GALM: variants seen among roughly 807,000 people sequenced by gnomAD.
The protein encoded by GALM is aldose 1-epimerase.
Under a neutral mutation model 37.4 loss-of-function variants are expected in GALM, and 43 were observed. The observed-to-expected ratio is 1.15, with a 90% CI of 0.90 to 1.48. GALM has a LOEUF of 1.48. Ranked by LOEUF, GALM falls within the 40% of genes most tolerant of loss-of-function variation. GALM has a pLI of 0.00. For missense variants in GALM, 456 were observed against 419.1 expected (o/e 1.09, Z -0.77); for synonymous variants, 199 against 170.6 (o/e 1.17, Z -1.30).
intron 4 of GALM, among the ~76,000 whole-genome samples, chr2:38,692,844 G>A (rs1490980476): frequency 6.6e-6 from 1 of 152,194 alleles, no homozygotes; most frequent in Admixed American, 6.5e-5. Context: ...GTGAGGAGGA[G>A]AAAGGTGTTC....
chr2:38,716,962 G>A lies in GALM; in HGVS notation c.635-12594G>A, dbSNP rs180737274. On this transcript the variant is annotated intron_variant, in intron 4 of 6. Transcript: ENST00000272252. ...CTTCCTTTTTGCATGAAAGATTTAC[G>A]CTATGGGGCCGGGCACAGTGGCTCA... 2.0e-5 allele frequency among the ~76,000 whole-genome samples: 3 copies of A among 152,274 alleles called. No individual in the cohort carries two copies. In the East Asian group the frequency reaches 5.8e-4, roughly 29 times the overall value.
In GALM at chr2:38,734,038, C is replaced by G. The variant is rs962298541; in HGVS notation, c.*473C>G. On this transcript the variant is annotated 3_prime_UTR_variant, in exon 7 of 7. Transcript: ENST00000272252. ...GCTAGGAGATGGACCTGTCTCTATACAGCAGTAGATGATTGATAAGTGAGG... is the reference window on the plus strand; with the variant it reads ...GCTAGGAGATGGACCTGTCTCTATAGAGCAGTAGATGATTGATAAGTGAGG... 10 of 205,084 alleles carry G rather than the reference C, an allele frequency of 4.9e-5. No homozygotes were observed. The East Asian group carries it at 1.0e-3, about 21-fold the overall frequency. 12.7% of individuals were successfully genotyped at this position (205,084 alleles called of 1,614,324 possible). A position where few individuals can be genotyped will look rare whatever the true frequency, so the allele number is the denominator to read the frequency against.
At chr2:38,726,432 T>C (rs1429879107) in intron 4 of GALM, among the ~76,000 whole-genome samples, 1 of 151,316 alleles carries the variant, frequency 6.6e-6, no homozygotes, top group Non-Finnish European at 1.5e-5. Flanking sequence ...TTCACCGTTT[T>C]AGCCGGGATG....
At chr2:38,676,490 C>A (rs770050769) in intron 2 of GALM, among the ~76,000 whole-genome samples, 5 of 152,206 alleles carry the variant, frequency 3.3e-5, no homozygotes, top group Non-Finnish European at 5.9e-5. Context: ...TGGCCAGGCA[C>A]AGTGGCTCAC....
At chr2:38,695,149 G>A (rs191878229) in intron 4 of GALM, among the ~76,000 whole-genome samples, 7 of 152,120 alleles carry the variant, frequency 4.6e-5, no homozygotes, top group South Asian at 2.1e-4. Context: ...CAGGCCGGGT[G>A]CAGTGTCTCA....
intron 3 of GALM, among the ~76,000 whole-genome samples, chr2:38,688,590 C>T (rs66527211): frequency 0.27 from 40,599 of 152,020 alleles, 8,129 homozygotes; most frequent in East Asian, 0.55. Flanking sequence ...TAGTTTAGCT[C>T]ATCTTTGAGC....
At chr2:38,732,012 T>C in intron 6 of GALM, 103 bp downstream of exon 6, 2 of 1,012,084 alleles carry the variant, frequency 2.0e-6, no homozygotes, top group Admixed American at 4.8e-5. Flanking sequence ...CAAAAGTTCA[T>C]GCTTTGTTTG....
chr2:38,733,578 A>G lies in GALM; in HGVS notation c.*13A>G, dbSNP rs753098146. On this transcript the variant is annotated 3_prime_UTR_variant, in exon 7 of 7. Coordinates refer to ENST00000272252, the MANE Select transcript of GALM (RefSeq NM_138801.3). ...TTCTGTGGCTTAAGGAAGTGTGAAG[A>G]TATGATCCAGTCCAGGGCTAGGCTC... 2 of 1,604,294 alleles carry G rather than the reference A, an allele frequency of 1.2e-6. No individual in the cohort carries two copies. Among genetic ancestry groups the G allele is most frequent in the South Asian group, 1.1e-5 (1 of 90,842 alleles).
At chr2:38,714,087 C>T (rs745646419) in intron 4 of GALM, among the ~76,000 whole-genome samples, 2 of 152,012 alleles carry the variant, frequency 1.3e-5, no homozygotes, top group African/African-American at 4.8e-5. Context: ...TAAGTATTAA[C>T]TATTATTAGT....
At chr2:38,700,828 G>A (rs1665903077) in intron 4 of GALM, among the ~76,000 whole-genome samples, 1 of 152,054 alleles carries the variant, frequency 6.6e-6, no homozygotes, top group South Asian at 2.1e-4. Context: ...GTTCATCCTT[G>A]TGATTGGTGG....
chr2:38,701,958 C>T (rs1489432003), intron 4 of GALM, among the ~76,000 whole-genome samples: 1 of 152,164 alleles, frequency 6.6e-6, no homozygotes, highest in African/African-American at 2.4e-5. Context: ...CTCCCCACTG[C>T]CTTAATTAGT....
chr2:38,726,844 C>A (rs950538726), intron 4 of GALM, among the ~76,000 whole-genome samples: 2 of 151,448 alleles, frequency 1.3e-5, no homozygotes, highest in Admixed American at 1.3e-4. Context: ...TGTGGTGAGC[C>A]GAGATCACGC....
At chr2:38,712,609 G>A (rs867046550) in intron 4 of GALM, among the ~76,000 whole-genome samples, 1 of 152,296 alleles carries the variant, frequency 6.6e-6, no homozygotes, top group Non-Finnish European at 1.5e-5. Flanking sequence ...AATCCCCGCA[G>A]ATAGTTAGAT....
At chr2:38,713,736 C>T (rs1165802355) in intron 4 of GALM, among the ~76,000 whole-genome samples, 2 of 151,810 alleles carry the variant, frequency 1.3e-5, no homozygotes, top group Non-Finnish European at 2.9e-5. Context: ...ATACCCCATC[C>T]CTACAAAAAA....
chr2:38,670,456 C>T (rs1022019240), intron 1 of GALM, among the ~76,000 whole-genome samples: 2 of 152,188 alleles, frequency 1.3e-5, no homozygotes, highest in African/African-American at 2.4e-5. Flanking sequence ...AGTTTATTGT[C>T]GCTCACGCCC....
chr2:38,703,073 TATATATATATATATA>T (rs1665955784), intron 4 of GALM, among the ~76,000 whole-genome samples: 1 of 6,430 alleles, frequency 1.6e-4, no homozygotes, highest in Non-Finnish European at 4.7e-4. Flanking sequence ...TATATATATA[TATATATATATATATA>T]TATATTTTTT....
At chr2:38,697,625 T>C (rs1267458555) in intron 4 of GALM, among the ~76,000 whole-genome samples, 1 of 152,172 alleles carries the variant, frequency 6.6e-6, no homozygotes, top group Non-Finnish European at 1.5e-5. Flanking sequence ...AACTTTTATT[T>C]TGCAGTAACT....
chr2:38,683,888 T>C lies in GALM; in HGVS notation c.552+2402T>C, dbSNP rs113619939. On this transcript the variant is annotated intron_variant, in intron 3 of 6. Transcript: ENST00000272252. ...GGCCCCAGATTTTAGATTTTCAGATTAGGGATTTTCAACCTCTATCTTAGT... is the reference window on the plus strand; with the variant it reads ...GGCCCCAGATTTTAGATTTTCAGATCAGGGATTTTCAACCTCTATCTTAGT... 7.3e-3 allele frequency among the ~76,000 whole-genome samples: 1,117 copies of C among 152,138 alleles called. 15 individuals carry two copies. The highest frequency in any genetic ancestry group is 0.026 in the African/African-American group (1,073 of 41,540).
intron 4 of GALM, among the ~76,000 whole-genome samples, chr2:38,725,715 G>T (rs888770900): frequency 5.9e-5 from 9 of 151,406 alleles, no homozygotes; most frequent in Admixed American, 3.9e-4. Flanking sequence ...TCTTTTTTTT[G>T]TTTTGTTTTG....
Sources: allele counts gnomAD v4.1 joint callset (sites outside exome capture counted in the v4.1 genomes callset), GRCh38; gene constraint gnomAD v4.1.1; transcripts MANE v1.5; gene names NCBI Gene and HGNC (gene_info 2026-07-23, HGNC 2026-07-21).